The following IRAK1BP1 variants were observed in gnomAD, a reference collection of about 807,000 sequenced individuals.
The protein encoded by IRAK1BP1 is interleukin 1 receptor associated kinase 1 binding protein 1.
IRAK1BP1 carries 24 observed loss-of-function variants against 28.0 expected under a neutral mutation model. The observed-to-expected ratio is 0.86, with a 90% CI of 0.62 to 1.20. The LOEUF is 1.20. Ranked by LOEUF, IRAK1BP1 falls within the 50% of genes most tolerant of loss-of-function variation. The pLI, the probability that IRAK1BP1 is intolerant of heterozygous loss-of-function variation, is 0.00. For synonymous variants in IRAK1BP1, 131 were observed against 116.3 expected (o/e 1.13, Z -0.81); for missense variants, 336 against 316.7 (o/e 1.06, Z -0.46).
chr6:78,894,437 T>C (rs914614164), intron 2 of IRAK1BP1, among the ~76,000 whole-genome samples: 1 of 152,120 alleles, frequency 6.6e-6, no homozygotes, highest in South Asian at 2.1e-4. Flanking sequence ...GTGGCTATAG[T>C]AATCAAAGTA....
At chr6:78,978,868 A>C in the IRAK1BP1 span, among the ~76,000 whole-genome samples, 2 of 152,182 alleles carry the variant, frequency 1.3e-5, no homozygotes, top group Non-Finnish European at 2.9e-5. Flanking sequence ...CATGGGTTCC[A>C]CATCCATGCA....
chr6:78,937,629 C>T (rs1190311861), intron 4 of IRAK1BP1: 1 of 151,634 alleles, frequency 6.6e-6, no homozygotes, highest in Non-Finnish European at 1.5e-5. Context: ...ATAATGCCAG[C>T]AGTCTTTAAA....
intron 1 of IRAK1BP1, among the ~76,000 whole-genome samples, chr6:78,868,316 C>G (rs993811669): frequency 6.7e-6 from 1 of 149,464 alleles, no homozygotes; most frequent in Admixed American, 6.6e-5. Context: ...AGAGCACGAC[C>G]TGCTTCCTTC....
At chr6:78,888,423 T>G (rs1267717703) in intron 2 of IRAK1BP1, among the ~76,000 whole-genome samples, 1 of 152,172 alleles carries the variant, frequency 6.6e-6, no homozygotes, top group Non-Finnish European at 1.5e-5. Context: ...ATTATAGTGA[T>G]AGTATCACAG....
chr6:78,924,793 T>TA (rs1367025927), intron 4 of IRAK1BP1, among the ~76,000 whole-genome samples: 4 of 152,184 alleles, frequency 2.6e-5, no homozygotes, highest in African/African-American at 9.7e-5. Context: ...TAATCCAGCA[T>TA]ATAAACAGAA....
intron 4 of IRAK1BP1, among the ~76,000 whole-genome samples, chr6:78,927,715 G>A (rs1772929895): frequency 6.6e-6 from 1 of 152,154 alleles, no homozygotes; most frequent in South Asian, 2.1e-4. Flanking sequence ...TTTGTATACA[G>A]TGAGAGATAG....
rs562084501 is a variant in IRAK1BP1, at chr6:78,945,575, T to C, written c.*235T>C. On this transcript the variant is annotated 3_prime_UTR_variant and NMD_transcript_variant, in exon 5 of 5. Transcript: ENST00000606868. The stretch of plus-strand genomic sequence containing the variant: ...AGAAAAAAGGTTAACCTGAATTATT[T>C]GAATTAGCCAAGACAACAAAACCTG... 6 of 892,420 alleles carry C rather than the reference T, an allele frequency of 6.7e-6. No homozygotes were observed. The African/African-American group carries it at 8.5e-5, about 13-fold the overall frequency. The allele number at this position is 892,420 out of a possible 1,614,324, so 55.3% of individuals were successfully genotyped here. A position where few individuals can be genotyped will look rare whatever the true frequency, so the allele number is the denominator to read the frequency against.
intron 1 of IRAK1BP1, among the ~76,000 whole-genome samples, chr6:78,872,994 G>T (rs575094181): frequency 2.0e-5 from 3 of 152,036 alleles, no homozygotes; most frequent in Non-Finnish European, 2.9e-5. Flanking sequence ...GATGGCTCAT[G>T]CCTGTAATCC....
the IRAK1BP1 span, among the ~76,000 whole-genome samples, chr6:78,960,316 T>C: frequency 2.0e-5 from 3 of 152,280 alleles, no homozygotes; most frequent in South Asian, 6.2e-4. Flanking sequence ...GTCCAACAAT[T>C]AGTGTATGTA....
At chr6:78,909,150 A>T (rs1772339486) in intron 4 of IRAK1BP1, among the ~76,000 whole-genome samples, 1 of 152,200 alleles carries the variant, frequency 6.6e-6, no homozygotes, top group South Asian at 2.1e-4. Flanking sequence ...CTAACTTACG[A>T]TAGTTCAATT....
the IRAK1BP1 span, chr6:78,957,579 TAAAAA>T: frequency 3.9e-4 from 52 of 131,934 alleles, no homozygotes; most frequent in Non-Finnish European, 7.6e-4. Flanking sequence ...GGATGTTTAT[TAAAAA>T]AAAAAAAAAA....
At chr6:78,868,197 A>G (rs1308716832) in intron 1 of IRAK1BP1, among the ~76,000 whole-genome samples, 3 of 152,256 alleles carry the variant, frequency 2.0e-5, no homozygotes, top group African/African-American at 7.2e-5. Context: ...AAGTGATGAA[A>G]TGTTAAAACT....
intron 4 of IRAK1BP1, among the ~76,000 whole-genome samples, chr6:78,917,408 G>A (rs1772589258): frequency 6.6e-6 from 1 of 152,022 alleles, no homozygotes; most frequent in African/African-American, 2.4e-5. Flanking sequence ...TCTTTGAGAA[G>A]TATGGAATAA....
intron 4 of IRAK1BP1, among the ~76,000 whole-genome samples, chr6:78,926,699 A>ACTACATTTCTCAG (rs1772900136): frequency 6.6e-6 from 1 of 151,850 alleles, no homozygotes; most frequent in Non-Finnish European, 1.5e-5. Context: ...ACACCCTCCC[A>ACTACATTTCTCAG]CTACATTTCT....
intron 4 of IRAK1BP1, among the ~76,000 whole-genome samples, chr6:78,917,293 C>G (rs576732614): frequency 6.6e-6 from 1 of 151,112 alleles, no homozygotes; most frequent in Non-Finnish European, 1.5e-5. Context: ...AAAGCTTTAT[C>G]AATAGACTAG....
chr6:78,885,484 G>T, intron 2 of IRAK1BP1, 41 bp downstream of exon 2: 1 of 973,594 alleles, frequency 1.0e-6, no homozygotes, highest in East Asian at 2.7e-5. Flanking sequence ...ATGATTTTGT[G>T]GAGACAGTCA....
At chr6:78,919,703 A>C (rs1398856696) in intron 4 of IRAK1BP1, among the ~76,000 whole-genome samples, 2 of 152,136 alleles carry the variant, frequency 1.3e-5, no homozygotes, top group Admixed American at 6.5e-5. Context: ...GCAGTAAGAA[A>C]ATTACCAATC....
rs113984462 is a variant in IRAK1BP1, at chr6:78,899,428, A to G, written c.*1094A>G. 5.8e-4 allele frequency: 88 copies of G among 152,360 alleles called. 2 individuals are homozygous for G. Among genetic ancestry groups the G allele is most frequent in the African/African-American group, 2.1e-3 (86 of 41,584 alleles). The allele number at this position is 152,360 out of a possible 1,614,324, so 9.4% of individuals were successfully genotyped here. On this transcript the variant is annotated 3_prime_UTR_variant, in exon 4 of 4. Coordinates refer to ENST00000369940, the MANE Select transcript of IRAK1BP1 (RefSeq NM_001010844.4). The stretch of plus-strand genomic sequence containing the variant: ...AGTGATAAATAATTCATAGCTTTTT[A>G]CAAAAGAATAATGAGGTATAATAGG...
intron 4 of IRAK1BP1, among the ~76,000 whole-genome samples, chr6:78,932,477 A>G (rs1243052107): frequency 7.3e-6 from 1 of 137,760 alleles, no homozygotes; most frequent in Non-Finnish European, 1.5e-5. Flanking sequence ...GCTGGAGTGC[A>G]ATGGTGCACT....
Sources: gnomAD v4.1 joint callset for allele counts (sites outside exome capture counted in the v4.1 genomes callset) on GRCh38, gnomAD v4.1.1 for gene constraint, MANE v1.5 for transcripts, NCBI Gene and HGNC (gene_info 2026-07-23, HGNC 2026-07-21) for gene names.